PTPN3: variants seen among roughly 807,000 people sequenced by gnomAD.
The protein encoded by PTPN3 is protein tyrosine phosphatase non-receptor type 3.
A neutral mutation model predicts 132.7 loss-of-function variants in PTPN3; 96 were observed. The ratio of observed to expected loss-of-function variants is 0.72; its 90% CI spans 0.61 to 0.86. The LOEUF is 0.86. Ranked by LOEUF, PTPN3 falls within the 40% of genes least tolerant of loss-of-function variation. The pLI is 0.00. For missense variants in PTPN3, 1,125 were observed against 1,159.6 expected (o/e 0.97, Z 0.43); for synonymous variants, 398 against 429.0 (o/e 0.93, Z 0.89).
chr9:109,445,036 T>G (rs1234989575), intron 7 of PTPN3, among the ~76,000 whole-genome samples: 1 of 152,244 alleles, frequency 6.6e-6, no homozygotes, highest in African/African-American at 2.4e-5. Flanking sequence ...CCTTTCCCCT[T>G]AACCACCTTC....
chr9:109,438,010 G>C (rs1448140858), intron 8 of PTPN3, 104 bp downstream of exon 8: 1 of 1,337,882 alleles, frequency 7.5e-7, no homozygotes, highest in Non-Finnish European at 1.0e-6. Flanking sequence ...TCTTGAAAGA[G>C]GATTCATGCA....
At chr9:109,416,425 GT>G (rs1412126897) in intron 14 of PTPN3, among the ~76,000 whole-genome samples, 3 of 149,618 alleles carry the variant, frequency 2.0e-5, no homozygotes, top group African/African-American at 7.4e-5. Context: ...ATGAACAGAA[GT>G]TTTTTGTTTT....
At chr9:109,493,778 T>C (rs2132127987) in intron 1 of PTPN3, among the ~76,000 whole-genome samples, 1 of 152,136 alleles carries the variant, frequency 6.6e-6, no homozygotes, top group African/African-American at 2.4e-5. Flanking sequence ...TCCCGGCACA[T>C]CTATGTAAAG....
the PTPN3 span, chr9:109,534,246 G>A: frequency 6.7e-7 from 1 of 1,493,206 alleles, no homozygotes. Flanking sequence ...TGCCCGTAGT[G>A]CCGGGCGTGG....
At chr9:109,432,037 T>C (rs1199738697) in intron 10 of PTPN3, among the ~76,000 whole-genome samples, 1 of 148,736 alleles carries the variant, frequency 6.7e-6, no homozygotes, top group African/African-American at 2.4e-5. Context: ...ATGTGTAATA[T>C]ATATTATTCT....
chr9:109,400,627 T>C (rs1841010221), intron 19 of PTPN3, among the ~76,000 whole-genome samples: 1 of 152,114 alleles, frequency 6.6e-6, no homozygotes, highest in Non-Finnish European at 1.5e-5. Context: ...ACCCCTTGAG[T>C]TGGCCAGCCT....
chr9:109,384,975 A>C (rs1305323797), intron 22 of PTPN3, among the ~76,000 whole-genome samples: 2 of 152,218 alleles, frequency 1.3e-5, no homozygotes, highest in Non-Finnish European at 2.9e-5. Context: ...TGACAGACAC[A>C]AGCCCTCTCT....
At chr9:109,472,295 C>T (rs1418672635) in intron 1 of PTPN3, among the ~76,000 whole-genome samples, 1 of 152,242 alleles carries the variant, frequency 6.6e-6, no homozygotes, top group Non-Finnish European at 1.5e-5. Context: ...TAAAAGGCCA[C>T]ACAATGCACA....
At chr9:109,386,766 A>G (rs1789324519) in intron 22 of PTPN3, among the ~76,000 whole-genome samples, 1 of 152,182 alleles carries the variant, frequency 6.6e-6, no homozygotes, top group African/African-American at 2.4e-5. Context: ...GGTGCACCTG[A>G]GAAGCCACCA....
chr9:109,474,821 G>T (rs1846568682), intron 1 of PTPN3, among the ~76,000 whole-genome samples: 1 of 152,156 alleles, frequency 6.6e-6, no homozygotes, highest in South Asian at 2.1e-4. Context: ...GAATCAGACA[G>T]CTGTGGGGGG....
chr9:109,406,794 T>C (rs1841605164), intron 17 of PTPN3, among the ~76,000 whole-genome samples, 176 bp from the exon 18 acceptor site: 1 of 152,264 alleles, frequency 6.6e-6, no homozygotes, highest in Admixed American at 6.5e-5. Flanking sequence ...ACATGGTAGA[T>C]GGTTGTAAGA....
chr9:109,484,090 A>T (rs1038140288), intron 1 of PTPN3, among the ~76,000 whole-genome samples: 1 of 152,170 alleles, frequency 6.6e-6, no homozygotes, highest in Non-Finnish European at 1.5e-5. Context: ...ACATCTACGC[A>T]GTGAACTAAA....
the PTPN3 span, among the ~76,000 whole-genome samples, chr9:109,513,119 C>T: frequency 6.6e-6 from 1 of 152,222 alleles, no homozygotes; most frequent in Admixed American, 6.5e-5. Flanking sequence ...AGCAATTCTC[C>T]CACCTCAGAC....
intron 5 of PTPN3, chr9:109,450,700 G>A: frequency 1.0e-6 from 1 of 985,122 alleles, no homozygotes; most frequent in Non-Finnish European, 1.2e-6. Flanking sequence ...AGCAGTTGTG[G>A]AGGCTCACAA....
At chr9:109,527,964 C>G in the PTPN3 span, among the ~76,000 whole-genome samples, 1 of 152,154 alleles carries the variant, frequency 6.6e-6, no homozygotes, top group Admixed American at 6.5e-5. Context: ...GTAAAGATTA[C>G]TTCACAGAGG....
At chr9:109,439,082 G>T (rs1844263183) in intron 7 of PTPN3, among the ~76,000 whole-genome samples, 1 of 152,146 alleles carries the variant, frequency 6.6e-6, no homozygotes, top group Non-Finnish European at 1.5e-5. Flanking sequence ...GATGTGATGG[G>T]CATTCTTGAG....
chr9:109,418,972 A>G (rs1842710061), intron 14 of PTPN3, among the ~76,000 whole-genome samples: 1 of 152,196 alleles, frequency 6.6e-6, no homozygotes, highest in African/African-American at 2.4e-5. Context: ...TGCAGACTCA[A>G]AACGGCTCTA....
At chr9:109,391,361 G>T (rs916846950) in intron 20 of PTPN3, 110 bp downstream of exon 20, 1 of 1,308,284 alleles carries the variant, frequency 7.6e-7, no homozygotes, top group Non-Finnish European at 1.1e-6. Flanking sequence ...AAAGACGGTG[G>T]TGTTTACAGA....
chr9:109,447,930 A>G (rs1844969530), intron 6 of PTPN3, among the ~76,000 whole-genome samples: 1 of 152,100 alleles, frequency 6.6e-6, no homozygotes, highest in African/African-American at 2.4e-5. Context: ...GTGGTTTCCA[A>G]GTGGGACTGT....
Sources: gnomAD v4.1 joint callset for allele counts (sites outside exome capture counted in the v4.1 genomes callset) on GRCh38, gnomAD v4.1.1 for gene constraint, MANE v1.5 for transcripts, NCBI Gene and HGNC (gene_info 2026-07-23, HGNC 2026-07-21) for gene names.